Variants in HIPK1 observed in about 807,000 individuals in gnomAD.
The protein encoded by HIPK1 is homeodomain-interacting protein kinase 1.
A neutral mutation model predicts 117.1 loss-of-function variants in HIPK1; 28 were observed. That is an observed-to-expected ratio of 0.24 (90% confidence interval 0.18 to 0.33). The LOEUF (loss-of-function observed/expected upper bound fraction) is 0.33, where lower values mean the gene tolerates loss of function less well. Ranked by LOEUF, HIPK1 falls within the 10% of genes least tolerant of loss-of-function variation. HIPK1 has a pLI of 1.00. For missense variants in HIPK1, 1,122 were observed against 1,475.1 expected (o/e 0.76, Z 3.92); for synonymous variants, 605 against 562.5 (o/e 1.08, Z -1.07).
chr1:113,959,901 G>C (rs916921241), intron 8 of HIPK1, among the ~76,000 whole-genome samples: 2 of 152,184 alleles, frequency 1.3e-5, no homozygotes, highest in Non-Finnish European at 2.9e-5. Context: ...ATTCTAGGAG[G>C]TAGGGTAATG....
At chr1:113,943,353 A>G (rs1432008411) in intron 2 of HIPK1, among the ~76,000 whole-genome samples, 1 of 152,234 alleles carries the variant, frequency 6.6e-6, no homozygotes, top group East Asian at 1.9e-4. Context: ...TGCCTATTCT[A>G]GATACTGCAT....
chr1:113,964,216 A>G (rs548623070), intron 10 of HIPK1, among the ~76,000 whole-genome samples: 1 of 152,352 alleles, frequency 6.6e-6, no homozygotes, highest in Non-Finnish European at 1.5e-5. Context: ...ACACATTTTT[A>G]GGAGTTTTGG....
chr1:113,946,779 T>A (rs1472359650), intron 2 of HIPK1, among the ~76,000 whole-genome samples: 1 of 152,250 alleles, frequency 6.6e-6, no homozygotes, highest in African/African-American at 2.4e-5. Flanking sequence ...ACTGAGTAAT[T>A]ACTCTGTATA....
At position 113,974,872 on chromosome 1, in the gene HIPK1, A is replaced by G. The variant is rs1262112294; in HGVS notation, c.*1360A>G. On this transcript the variant is annotated 3_prime_UTR_variant, in exon 16 of 16. Transcript: ENST00000426820. The stretch of plus-strand genomic sequence containing the variant: ...TGTAGTGATTACACTTGAATTGTGT[A>G]CTTAGTGTGTATGTGATCCTCCAGT... The G allele has an allele frequency of 1.3e-5, 2 of 152,738 alleles. No homozygotes were observed. Among genetic ancestry groups the G allele is most frequent in the African/African-American group, 2.4e-5 (1 of 41,444 alleles). The allele number at this position is 152,738 out of a possible 1,614,324, so 9.5% of individuals were successfully genotyped here.
At position 113,973,461 on chromosome 1, in the gene HIPK1, C is replaced by T. The variant is rs1223422500; in HGVS notation, c.3582C>T (p.Tyr1194=). Residue 1194 remains tyrosine (Y), a synonymous_variant, in exon 16 of 16, where the codon TAC becomes TAT. Coordinates refer to ENST00000426820, the MANE Select transcript of HIPK1 (RefSeq NM_198268.3). ...GGTCTTCCCGAGGCTCAACAATTTA[C>T]ACTGGATACCCGCTGAGTCCTACCA... ...YIGSSRGSTI[Y]TGYPLSPTKI... 11 of 1,612,712 alleles carry T rather than the reference C, an allele frequency of 6.8e-6. No individual in the cohort carries two copies. The highest frequency in any genetic ancestry group is 9.3e-6 in the Non-Finnish European group (11 of 1,179,146).
At chr1:113,938,927 A>ATACACACACACACACAC (rs60152674) in intron 1 of HIPK1, among the ~76,000 whole-genome samples, 2 of 118,456 alleles carry the variant, frequency 1.7e-5, no homozygotes, top group Non-Finnish European at 3.4e-5. Flanking sequence ...AAAAAAAAAA[A>ATACACACACACACACAC]ATACACACAC....
At chr1:113,949,908 C>G (rs1239398326) in intron 2 of HIPK1, among the ~76,000 whole-genome samples, 2 of 152,150 alleles carry the variant, frequency 1.3e-5, no homozygotes, top group African/African-American at 4.8e-5. Context: ...CCAGTTATTT[C>G]TTTGGTAAAC....
intron 7 of HIPK1, among the ~76,000 whole-genome samples, chr1:113,957,502 A>C (rs753063540): frequency 9.9e-5 from 15 of 152,214 alleles, no homozygotes; most frequent in Non-Finnish European, 2.2e-4. Context: ...CCATGCCCTC[A>C]TATGTTCAGC....
chr1:113,953,769 T>G (rs1671523350), intron 3 of HIPK1: 1 of 152,250 alleles, frequency 6.6e-6, no homozygotes, highest in South Asian at 2.1e-4. Flanking sequence ...TCCACCTGCC[T>G]CAGCCTCCCA....
rs1220838122 is a variant in HIPK1 at position 113,955,586 on chromosome 1, G to A, written c.1344G>A (p.Glu448=). 6.3e-7 allele frequency: 1 copy of A among 1,597,354 alleles called. No homozygotes were observed. Among genetic ancestry groups the A allele is most frequent in the Admixed American group, 1.7e-5 (1 of 59,864 alleles). Residue 448 remains glutamate, a synonymous_variant, in exon 5 of 16, where the codon GAG becomes GAA. Coordinates refer to ENST00000426820, the MANE Select transcript of HIPK1 (RefSeq NM_198268.3). ...AGACACCTGAAGAACATGAACTGGAGACTGGAATAAAATCAAAAGAAGCTC... is the reference window on the plus strand; with the variant it reads ...AGACACCTGAAGAACATGAACTGGAAACTGGAATAAAATCAAAAGAAGCTC... The part of the protein sequence containing the change: ...RLKTPEEHEL[E]TGIKSKEARK...
At chr1:113,938,267 G>T (rs1347857756) in intron 1 of HIPK1, among the ~76,000 whole-genome samples, 1 of 151,586 alleles carries the variant, frequency 6.6e-6, no homozygotes, top group Non-Finnish European at 1.5e-5. Flanking sequence ...ACCACATCTG[G>T]CCTAATTTTT....
chr1:113,958,347 G>T, intron 8 of HIPK1, 56 bp downstream of exon 8: 3 of 1,217,794 alleles, frequency 2.5e-6, no homozygotes, highest in Non-Finnish European at 3.5e-6. Flanking sequence ...CCTGCTTTAG[G>T]CAGCTCTAGT....
intron 1 of HIPK1, among the ~76,000 whole-genome samples, chr1:113,930,217 C>T (rs1327765962): frequency 6.6e-6 from 1 of 152,280 alleles, no homozygotes; most frequent in South Asian, 2.1e-4. Context: ...GCGTGTTGTC[C>T]TTAAGTGACA....
At chr1:113,935,035 C>A (rs1239557287) in intron 1 of HIPK1, among the ~76,000 whole-genome samples, 1 of 146,398 alleles carries the variant, frequency 6.8e-6, no homozygotes, top group African/African-American at 2.5e-5. Flanking sequence ...TTTTTTAAAC[C>A]TTTATTTTAG....
Position 113,976,095 on chromosome 1 carries a change from G to A in HIPK1, c.*2583G>A, listed in dbSNP as rs1448286750. 1 of 152,768 alleles carries A rather than the reference G, an allele frequency of 6.5e-6. No individual in the cohort carries two copies. Among genetic ancestry groups the A allele is most frequent in the Non-Finnish European group, 1.5e-5 (1 of 68,048 alleles). 9.5% of individuals were successfully genotyped at this position (152,768 alleles called of 1,614,324 possible). On this transcript the variant is annotated 3_prime_UTR_variant, in exon 16 of 16. Transcript: ENST00000426820. ...GTACCAGGTTGAACACCGAGGAGCT[G>A]TCAAAGTATTTGGAGTTTCTTCATT...
intron 2 of HIPK1, among the ~76,000 whole-genome samples, chr1:113,949,685 G>A (rs141235262): frequency 0.012 from 1,812 of 148,922 alleles, 22 homozygotes; most frequent in Middle Eastern, 0.063. Flanking sequence ...TGCAACCTCC[G>A]TCTCCTGGGT....
chr1:113,952,426 A>G (rs1671429805), intron 2 of HIPK1, among the ~76,000 whole-genome samples: 3 of 152,170 alleles, frequency 2.0e-5, no homozygotes, highest in Admixed American at 6.5e-5. Context: ...TTGTTAAGCT[A>G]TTTGAAGTCT....
chr1:113,971,776 T>A (rs1672842014), intron 14 of HIPK1, 48 bp from the exon 15 acceptor site: 1 of 1,562,532 alleles, frequency 6.4e-7, no homozygotes, highest in Non-Finnish European at 8.6e-7. Context: ...CATCTGAGGT[T>A]AGCTCAGTGA....
intron 3 of HIPK1, among the ~76,000 whole-genome samples, chr1:113,953,529 T>C (rs1197769632): frequency 6.6e-6 from 1 of 152,240 alleles, no homozygotes; most frequent in Non-Finnish European, 1.5e-5. Flanking sequence ...TTTCTTTTTA[T>C]TTGTTTGAGA....
Sources: allele counts gnomAD v4.1 joint callset (sites outside exome capture counted in the v4.1 genomes callset), GRCh38; gene constraint gnomAD v4.1.1; transcripts MANE v1.5; gene names NCBI Gene and HGNC (gene_info 2026-07-23, HGNC 2026-07-21).